SASH1: variants seen among roughly 807,000 people sequenced by gnomAD.
SASH1 encodes the protein SAM and SH3 domain-containing protein 1.
In SASH1, 44 loss-of-function variants were observed where a neutral mutation model predicts 125.2. That is an observed-to-expected ratio of 0.35 (90% CI 0.28 to 0.45). The LOEUF (loss-of-function observed/expected upper bound fraction) is 0.45, where lower values mean the gene tolerates loss of function less well. Among genes scored for constraint, SASH1 ranks in the 20% least tolerant of loss-of-function variants. The pLI, the probability that SASH1 is intolerant of heterozygous loss-of-function variation, is 1.00. For synonymous variants in SASH1, 639 were observed against 649.1 expected, an observed-to-expected ratio of 0.98 and a Z score of 0.24; for missense variants, 1,426 against 1,614.5, an observed-to-expected ratio of 0.88 and a Z score of 2.00.
intron 1 of SASH1, among the ~76,000 whole-genome samples, chr6:148,387,608 C>CCTTCCTTCCTTCCTTCCTTCCTTCCT (rs1783470965): frequency 5.5e-5 from 1 of 18,088 alleles, no homozygotes; most frequent in Non-Finnish European, 1.1e-4. Flanking sequence ...TTCTTTCTTT[C>CCTTCCTTCCTTCCTTCCTTCCTTCCT]TTTCTTTCTT....
the SASH1 span, among the ~76,000 whole-genome samples, chr6:148,230,264 A>C: frequency 4.6e-5 from 7 of 152,356 alleles, no homozygotes; most frequent in South Asian, 1.4e-3. Context: ...ATTGCTGAAT[A>C]ATACCTCATT....
At chr6:148,299,647 T>C (rs1779880494) in intron 1 of SASH1, among the ~76,000 whole-genome samples, 2 of 140,362 alleles carry the variant, frequency 1.4e-5, no homozygotes, top group South Asian at 4.5e-4. Flanking sequence ...GCCTGCAAGA[T>C]GGAAGCAAGA....
intron 1 of SASH1, among the ~76,000 whole-genome samples, chr6:148,383,463 A>C (rs762643860): frequency 9.2e-5 from 14 of 152,302 alleles, no homozygotes; most frequent in Admixed American, 2.6e-4. Flanking sequence ...TAAAGGAGTC[A>C]GCAGTCTGTC....
chr6:148,243,367 T>A, the SASH1 span, among the ~76,000 whole-genome samples: 2 of 151,786 alleles, frequency 1.3e-5, no homozygotes, highest in Non-Finnish European at 2.9e-5. Flanking sequence ...GGAGAATCGC[T>A]TGAACCTGGG....
intron 1 of SASH1, among the ~76,000 whole-genome samples, chr6:148,371,982 A>G (rs74482552): frequency 0.017 from 2,661 of 152,262 alleles, 86 homozygotes; most frequent in African/African-American, 0.061. Context: ...AGAGTTCTCA[A>G]TGTAGATCAT....
chr6:148,259,381 G>T, the SASH1 span, among the ~76,000 whole-genome samples: 1 of 152,208 alleles, frequency 6.6e-6, no homozygotes, highest in South Asian at 2.1e-4. Context: ...CGGCTGAAGA[G>T]AGAGGAAGTC....
intron 4 of SASH1, among the ~76,000 whole-genome samples, chr6:148,448,429 G>A (rs73603366): frequency 0.031 from 4,775 of 152,190 alleles, 266 homozygotes; most frequent in African/African-American, 0.11. Context: ...TCAGAGGTCA[G>A]TGGCTTCATA....
chr6:148,205,814 C>T, the SASH1 span, among the ~76,000 whole-genome samples: 103 of 152,330 alleles, frequency 6.8e-4, 1 homozygote, highest in South Asian at 0.018. Flanking sequence ...CCATACTTAG[C>T]AGATAAGCAC....
chr6:148,413,204 A>G lies in SASH1; in HGVS notation c.285+22942A>G, dbSNP rs576047303. On this transcript the variant is annotated intron_variant, in intron 2 of 19. Coordinates refer to ENST00000367467, the MANE Select transcript of SASH1 (RefSeq NM_015278.5). ...TTAAATGCCAGTTTAATAGTTTGAC[A>G]TTGTTCTGTTGTTAAGAGGGGACAT... Among the ~76,000 whole-genome samples the G allele has an allele frequency of 7.2e-5, 11 of 152,288 alleles. No individual in the cohort carries two copies. The East Asian group carries it at 1.5e-3, about 21-fold the overall frequency.
rs370178445 is a variant in SASH1, at chr6:148,439,511, G to A, written c.286-673G>A. Among the ~76,000 whole-genome samples the A allele has an allele frequency of 1.1e-4, 17 of 152,318 alleles. 1 individual carries two copies. The South Asian group carries it at 3.5e-3, about 32-fold the overall frequency. On this transcript the variant is annotated intron_variant, in intron 2 of 19. Transcript: ENST00000367467. ...AATTGGATTGGGGCTGGGCGCGGTG[G>A]CTCATGCCTGTAATCCCAGCACTTT...
At chr6:148,472,160 T>C (rs1394286233) in intron 6 of SASH1, among the ~76,000 whole-genome samples, 1 of 152,212 alleles carries the variant, frequency 6.6e-6, no homozygotes, top group East Asian at 1.9e-4. Context: ...CCAGTCCAGC[T>C]GAATGAGGTT....
At chr6:148,267,988 G>A (rs1055987057), upstream of SASH1, among the ~76,000 whole-genome samples, 1 of 152,144 alleles carries the variant, frequency 6.6e-6, no homozygotes, top group Non-Finnish European at 1.5e-5. Flanking sequence ...TGAATCCCAC[G>A]AACGAAAGGC....
chr6:148,505,261 CCTCAG>C (rs1418652286), intron 8 of SASH1, among the ~76,000 whole-genome samples: 1 of 152,212 alleles, frequency 6.6e-6, no homozygotes, highest in African/African-American at 2.4e-5. Flanking sequence ...CCAGAACCAG[CCTCAG>C]ATGCTGGCCA....
the SASH1 span, among the ~76,000 whole-genome samples, chr6:148,255,522 C>T: frequency 3.7e-4 from 57 of 152,192 alleles, 1 homozygote; most frequent in Non-Finnish European, 2.5e-4. Flanking sequence ...ATAACATCCT[C>T]TTATACACAG....
At chr6:148,368,970 ACTC>A (rs1331095770) in intron 1 of SASH1, among the ~76,000 whole-genome samples, 1 of 152,162 alleles carries the variant, frequency 6.6e-6, no homozygotes, top group Non-Finnish European at 1.5e-5. Flanking sequence ...GCTGTCTCTT[ACTC>A]TGGAAGATAC....
rs533857674 is a variant in SASH1 at position 148,544,910 on chromosome 6, C to G, written c.3348+92C>G. ...GATGAACCCACATCTGAAGCCAGCC[C>G]GGTAGCCCGCCCAGTGGACAGGAGA... On this transcript the variant is annotated intron_variant, in intron 18 of 19. Coordinates refer to ENST00000367467, the MANE Select transcript of SASH1 (RefSeq NM_015278.5). This position sits in a 1 kb window ranked among gnomAD's most constrained non-coding sequence, Gnocchi z 6.4. The G allele has an allele frequency of 7.8e-7, 1 of 1,278,760 alleles. No homozygotes were observed. Among genetic ancestry groups the G allele is most frequent in the Non-Finnish European group, 1.1e-6 (1 of 944,622 alleles). 79.2% of individuals were successfully genotyped at this position (1,278,760 alleles called of 1,614,324 possible). A position where few individuals can be genotyped will look rare whatever the true frequency, so the allele number is the denominator to read the frequency against.
At position 148,549,410 on chromosome 6, in the gene SASH1, C is replaced by T. The variant is rs762693386; in HGVS notation, c.*852C>T. On this transcript the variant is annotated 3_prime_UTR_variant, in exon 20 of 20. Transcript: ENST00000367467. ...GAAATTCACAAATATCATGTGTGTG[C>T]GTGCGTGCGTGCGCGTGTGTGTCTG... The T allele has an allele frequency of 1.1e-4, 43 of 374,966 alleles. No individual in the cohort carries two copies. Among genetic ancestry groups the T allele is most frequent in the South Asian group, 2.9e-4 (2 of 6,798 alleles). The allele number at this position is 374,966 out of a possible 1,614,324, so 23.2% of individuals were successfully genotyped here.
At chr6:148,227,077 T>C in the SASH1 span, among the ~76,000 whole-genome samples, 1 of 152,210 alleles carries the variant, frequency 6.6e-6, no homozygotes, top group African/African-American at 2.4e-5. Flanking sequence ...AGCCTAAGTA[T>C]AGCTCTACGA....
chr6:148,226,202 T>C, the SASH1 span, among the ~76,000 whole-genome samples: 1 of 152,200 alleles, frequency 6.6e-6, no homozygotes, highest in Admixed American at 6.5e-5. Flanking sequence ...GAAAAATGGT[T>C]TATTTGATGT....
Sources: gnomAD v4.1 joint callset for allele counts (sites outside exome capture counted in the v4.1 genomes callset) on GRCh38, gnomAD v4.1.1 for gene constraint, Gnocchi (gnomAD v3.1) non-coding constraint, MANE v1.5 for transcripts, NCBI Gene and HGNC (gene_info 2026-07-23, HGNC 2026-07-21) for gene names.